TBC1D21: variants seen among roughly 807,000 people sequenced by gnomAD.
TBC1D21 encodes TBC1 domain family member 21.
In TBC1D21, 38 loss-of-function variants were observed where a neutral mutation model predicts 46.0. That is an observed-to-expected ratio of 0.83 (90% CI 0.64 to 1.08). The LOEUF is 1.08. Among genes scored for constraint, TBC1D21 ranks in the 50% least tolerant of loss-of-function variants. TBC1D21 has a pLI of 0.00. For missense variants in TBC1D21, 415 were observed against 417.9 expected (o/e 0.99, Z 0.06); for synonymous variants, 151 against 157.2 (o/e 0.96, Z 0.29).
the TBC1D21 span, among the ~76,000 whole-genome samples, chr15:73,903,648 TCTC>T: frequency 2.0e-5 from 3 of 152,194 alleles, no homozygotes; most frequent in Admixed American, 6.5e-5. Flanking sequence ...ATCATGGTAC[TCTC>T]CTCAATGCCA....
At chr15:73,874,952 G>GA (rs1474259364) in intron 1 of TBC1D21, among the ~76,000 whole-genome samples, 1 of 152,136 alleles carries the variant, frequency 6.6e-6, no homozygotes, top group Non-Finnish European at 1.5e-5. Context: ...AACTGGAGTA[G>GA]AAAAGAGAAC....
chr15:73,889,308 G>C, downstream of TBC1D21: 1 of 578,312 alleles, frequency 1.7e-6, no homozygotes. Context: ...AGGCTGGCTG[G>C]CTGAGAGACA....
chr15:73,899,233 C>A, the TBC1D21 span, among the ~76,000 whole-genome samples: 1 of 152,132 alleles, frequency 6.6e-6, no homozygotes, highest in East Asian at 1.9e-4. Flanking sequence ...CCCTTGAGAA[C>A]CTCCTGGGAA....
the TBC1D21 span, among the ~76,000 whole-genome samples, chr15:73,903,003 C>T: frequency 6.6e-6 from 1 of 152,200 alleles, no homozygotes; most frequent in African/African-American, 2.4e-5. Flanking sequence ...CATAACCAGA[C>T]CCAAGCTCAC....
At chr15:73,884,385 A>C (rs566340837) in intron 4 of TBC1D21, 140 bp downstream of exon 4, 1 of 783,902 alleles carries the variant, frequency 1.3e-6, no homozygotes, top group Admixed American at 2.0e-5. Flanking sequence ...TCGCCAGCTG[A>C]ACCTTGGTTA....
chr15:73,898,521 G>GA, the TBC1D21 span, among the ~76,000 whole-genome samples: 3 of 151,954 alleles, frequency 2.0e-5, no homozygotes, highest in African/African-American at 7.2e-5. Context: ...GAAAACAGGT[G>GA]AAAAAAATGT....
intron 9 of TBC1D21, among the ~76,000 whole-genome samples, chr15:73,888,013 CCTAA>C (rs1236270925): frequency 2.0e-5 from 3 of 152,186 alleles, no homozygotes; most frequent in Non-Finnish European, 2.9e-5. Flanking sequence ...TTGAACACTC[CCTAA>C]CTATTAAGCT....
At chr15:73,893,884 C>T (rs59374297), downstream of TBC1D21, among the ~76,000 whole-genome samples, 5,948 of 152,248 alleles carry the variant, frequency 0.039, 394 homozygotes, top group African/African-American at 0.14. Flanking sequence ...CAGGAGGTCA[C>T]GAACAAGGGC....
chr15:73,878,846 C>T (rs185746047), intron 1 of TBC1D21, among the ~76,000 whole-genome samples: 3 of 152,308 alleles, frequency 2.0e-5, no homozygotes, highest in Admixed American at 6.5e-5. Context: ...CCCAGCTTTG[C>T]CTGTTCCCTT....
Position 73,887,630 on chromosome 15 carries a change from C to G in TBC1D21, c.788C>G (p.Thr263Arg). The G allele has an allele frequency of 6.2e-7, 1 of 1,613,976 alleles. No homozygotes were observed. Among genetic ancestry groups the G allele is most frequent in the Non-Finnish European group, 8.5e-7 (1 of 1,179,954 alleles). Residue 263 changes from threonine to arginine, a missense_variant, in exon 9 of 11, where the codon ACG (threonine) becomes AGG (arginine). By Grantham distance (71) the Thr-to-Arg change is moderately conservative. Transcript: ENST00000300504. Reference protein sequence around the residue: ...DVWRLWEVLLTGKPCRNFQVL... With the variant: ...DVWRLWEVLLRGKPCRNFQVL... ...CGTCCTGACCCACAGGTTCTGCTGA[C>G]GGGGAAGCCCTGCAGGAACTTCCAG...
intron 4 of TBC1D21, 80 bp downstream of exon 4, chr15:73,884,325 G>T: frequency 7.7e-7 from 1 of 1,296,110 alleles, no homozygotes. Context: ...CACTTCCAGG[G>T]AGGGATGGCT....
At chr15:73,876,394 ATTTTTG>A (rs1217613393) in intron 1 of TBC1D21, among the ~76,000 whole-genome samples, 9 of 73,144 alleles carry the variant, frequency 1.2e-4, no homozygotes, top group African/African-American at 3.8e-4. Flanking sequence ...CACCCGGGTA[ATTTTTG>A]TTTTTTTTTT....
At chr15:73,882,281 C>T (rs2068169855) in intron 3 of TBC1D21, among the ~76,000 whole-genome samples, 2 of 152,178 alleles carry the variant, frequency 1.3e-5, no homozygotes, top group Admixed American at 1.3e-4. Flanking sequence ...AGCACATCTT[C>T]TCTTCCAAAA....
chr15:73,903,461 T>C, the TBC1D21 span, among the ~76,000 whole-genome samples: 3 of 152,238 alleles, frequency 2.0e-5, no homozygotes, highest in African/African-American at 7.2e-5. Flanking sequence ...TGAACCTCAG[T>C]GTTCCACAGC....
the TBC1D21 span, among the ~76,000 whole-genome samples, chr15:73,899,948 C>T: frequency 1.3e-5 from 2 of 152,212 alleles, no homozygotes; most frequent in Non-Finnish European, 2.9e-5. Context: ...GGGGACTGGG[C>T]CAAGGGCTTT....
chr15:73,902,507 A>C, the TBC1D21 span, among the ~76,000 whole-genome samples: 1 of 152,162 alleles, frequency 6.6e-6, no homozygotes, highest in African/African-American at 2.4e-5. Context: ...ACATTTCAAG[A>C]CTTGGCTGCT....
chr15:73,898,880 A>AAAAAAAAAAAATATATATAT, the TBC1D21 span, among the ~76,000 whole-genome samples: 9 of 56,796 alleles, frequency 1.6e-4, no homozygotes, highest in South Asian at 6.1e-4. Context: ...AAAAAAAAAA[A>AAAAAAAAAAAATATATATAT]ATATATATAT....
At chr15:73,891,875 CT>C (rs1263833146), downstream of TBC1D21, among the ~76,000 whole-genome samples, 2 of 152,226 alleles carry the variant, frequency 1.3e-5, no homozygotes, top group Non-Finnish European at 2.9e-5. Context: ...TCAGGCACCC[CT>C]CATCATGAAC....
At position 73,885,398 on chromosome 15, in the gene TBC1D21, C is replaced by T. The variant is rs1020369905; in HGVS notation, c.579+295C>T. 7.9e-5 allele frequency among the ~76,000 whole-genome samples: 12 copies of T among 152,292 alleles called. No individual in the cohort carries two copies. The South Asian group carries it at 1.2e-3, about 16-fold the overall frequency. On this transcript the variant is annotated intron_variant, in intron 6 of 10. Coordinates refer to ENST00000300504, the MANE Select transcript of TBC1D21 (RefSeq NM_153356.3). The stretch of plus-strand genomic sequence containing the variant: ...GTGCCCTCTCCTGGCATTTTCTTCC[C>T]CAAGCACGGTTCTCCTCCCTCCTCG...
Sources: allele counts gnomAD v4.1 joint callset (sites outside exome capture counted in the v4.1 genomes callset), GRCh38; gene constraint gnomAD v4.1.1; transcripts MANE v1.5; gene names NCBI Gene and HGNC (gene_info 2026-07-23, HGNC 2026-07-21).